The following DPP6 variants were observed in gnomAD, a reference collection of about 807,000 sequenced individuals.
DPP6 encodes the protein A-type potassium channel modulatory protein DPP6.
DPP6 carries 69 observed loss-of-function variants against 122.6 expected under a neutral mutation model. The observed-to-expected ratio is 0.56, with a 90% CI of 0.46 to 0.69. DPP6 has a LOEUF of 0.69. Among genes scored for constraint, DPP6 ranks in the 30% least tolerant of loss-of-function variants. DPP6 has a pLI of 0.00. For synonymous variants in DPP6, 418 were observed against 433.1 expected, an observed-to-expected ratio of 0.97 and a Z score of 0.43; for missense variants, 928 against 1,116.9, an observed-to-expected ratio of 0.83 and a Z score of 2.41.
At chr7:154,060,641 G>C (rs1344075926) in intron 1 of DPP6, among the ~76,000 whole-genome samples, 4 of 144,280 alleles carry the variant, frequency 2.8e-5, no homozygotes, top group Non-Finnish European at 4.6e-5. Flanking sequence ...CGCAGGAGGG[G>C]GAGGCACCCC....
intron 1 of DPP6, among the ~76,000 whole-genome samples, chr7:154,344,516 A>C (rs957770661): frequency 2.0e-5 from 3 of 152,186 alleles, no homozygotes; most frequent in Non-Finnish European, 2.9e-5. Flanking sequence ...GAGGTTCCTT[A>C]ACAAACTGAA....
intron 2 of DPP6, among the ~76,000 whole-genome samples, chr7:154,467,815 A>G (rs1205229196): frequency 6.6e-6 from 1 of 152,182 alleles, no homozygotes; most frequent in East Asian, 1.9e-4. Context: ...ATTCTTCTAG[A>G]TACTTTCATC....
chr7:154,675,759 C>T (rs182248712), intron 7 of DPP6, among the ~76,000 whole-genome samples: 70 of 152,322 alleles, frequency 4.6e-4, no homozygotes, highest in Admixed American at 1.2e-3. Context: ...GAATGCTGCC[C>T]GTTGCCCTGC....
intron 1 of DPP6, among the ~76,000 whole-genome samples, chr7:154,377,317 A>G (rs1309398197): frequency 6.6e-6 from 1 of 152,190 alleles, no homozygotes; most frequent in Non-Finnish European, 1.5e-5. Flanking sequence ...AAGGGCAGGA[A>G]GTGGACCACA....
the DPP6 span, among the ~76,000 whole-genome samples, chr7:153,824,386 CAAAAAA>C: frequency 1.3e-5 from 1 of 79,442 alleles, no homozygotes; most frequent in Non-Finnish European, 2.3e-5. Context: ...GAGTCTGTCT[CAAAAAA>C]AAAAAAAAAA....
chr7:153,822,291 G>GC, the DPP6 span, among the ~76,000 whole-genome samples: 1 of 144,734 alleles, frequency 6.9e-6, no homozygotes, highest in Non-Finnish European at 1.5e-5. Context: ...CCAACTTCAC[G>GC]CAATTCTCCT....
chr7:154,540,381 G>A, intron 3 of DPP6, 151 bp from the exon 4 acceptor site: 1 of 618,848 alleles, frequency 1.6e-6, no homozygotes, highest in Non-Finnish European at 2.8e-6. Context: ...GAAGAGCTGG[G>A]CATATTGCAC....
chr7:154,005,854 G>A (rs1239790976), intron 1 of DPP6, among the ~76,000 whole-genome samples: 2 of 152,244 alleles, frequency 1.3e-5, no homozygotes, highest in South Asian at 2.1e-4. Context: ...GCATCCCAGA[G>A]TGTTGGCGGC....
chr7:154,055,535 G>C (rs866309478), intron 1 of DPP6: 1 of 151,276 alleles, frequency 6.6e-6, no homozygotes, highest in Non-Finnish European at 1.5e-5. Flanking sequence ...GAAGAATCTA[G>C]AGTAATCATT....
chr7:153,872,332 G>T, the DPP6 span, among the ~76,000 whole-genome samples: 1 of 152,154 alleles, frequency 6.6e-6, no homozygotes, highest in Non-Finnish European at 1.5e-5. Flanking sequence ...AAGGTGCTCT[G>T]CTCTAATTAA....
At chr7:154,011,014 G>C (rs977228714) in intron 1 of DPP6, among the ~76,000 whole-genome samples, 2 of 152,182 alleles carry the variant, frequency 1.3e-5, no homozygotes, top group African/African-American at 4.8e-5. Context: ...ACCTAGCGTA[G>C]GTCTCCAATA....
At chr7:154,023,318 G>GCGCA (rs1554436898) in intron 1 of DPP6, among the ~76,000 whole-genome samples, 9 of 129,618 alleles carry the variant, frequency 6.9e-5, no homozygotes, top group East Asian at 2.4e-4. Context: ...TTTCTTGTCT[G>GCGCA]CACACACACA....
intron 1 of DPP6, among the ~76,000 whole-genome samples, chr7:154,247,634 C>T (rs904320630): frequency 3.9e-5 from 6 of 152,064 alleles, no homozygotes; most frequent in African/African-American, 1.4e-4. Context: ...AACACAAACG[C>T]TCATACATTC....
At chr7:154,577,505 C>G (rs1368203777) in intron 5 of DPP6, among the ~76,000 whole-genome samples, 1 of 152,180 alleles carries the variant, frequency 6.6e-6, no homozygotes, top group Non-Finnish European at 1.5e-5. Context: ...GTGAAGAGCA[C>G]TGTTGCTTGG....
intron 1 of DPP6, among the ~76,000 whole-genome samples, chr7:154,431,775 C>T (rs985138099): frequency 2.6e-5 from 4 of 152,138 alleles, no homozygotes; most frequent in East Asian, 1.9e-4. Flanking sequence ...CCTCGTGATC[C>T]GCCCACCTCA....
chr7:153,874,590 T>C, the DPP6 span, among the ~76,000 whole-genome samples: 2 of 152,112 alleles, frequency 1.3e-5, no homozygotes, highest in African/African-American at 4.8e-5. Flanking sequence ...TGGCCAGGCT[T>C]GTCTCAAACT....
At chr7:154,471,265 C>A (rs946295057) in intron 2 of DPP6, among the ~76,000 whole-genome samples, 1 of 152,134 alleles carries the variant, frequency 6.6e-6, no homozygotes, top group Admixed American at 6.5e-5. Context: ...AACAAACAAA[C>A]AAAAGCATAG....
intron 1 of DPP6, among the ~76,000 whole-genome samples, chr7:154,269,063 A>G (rs1422827739): frequency 1.3e-5 from 2 of 150,602 alleles, no homozygotes; most frequent in African/African-American, 4.9e-5. Flanking sequence ...TTTTTTTTCA[A>G]TCTGTAATAT....
chr7:153,803,730 T>C, the DPP6 span, among the ~76,000 whole-genome samples: 12 of 151,412 alleles, frequency 7.9e-5, no homozygotes, highest in Non-Finnish European at 1.3e-4. Context: ...ATATACAATA[T>C]GTAAAATCTC....
Sources: allele counts gnomAD v4.1 joint callset (sites outside exome capture counted in the v4.1 genomes callset), GRCh38; gene constraint gnomAD v4.1.1; transcripts MANE v1.5; gene names NCBI Gene and HGNC (gene_info 2026-07-23, HGNC 2026-07-21).